Variants in DIPK2B observed in about 807,000 individuals in gnomAD.
The protein encoded by DIPK2B is UPF0672 protein CXorf36.
Under a neutral mutation model 22.2 loss-of-function variants are expected in DIPK2B, and 15 were observed. The observed-to-expected ratio is 0.68, with a 90% CI of 0.45 to 1.04. The LOEUF is 1.04. Among genes scored for constraint, DIPK2B ranks in the 50% least tolerant of loss-of-function variants. DIPK2B has a pLI of 0.00. For missense variants in DIPK2B, 345 were observed against 348.3 expected (o/e 0.99, Z 0.08); for synonymous variants, 163 against 153.2 (o/e 1.06, Z -0.47).
intron 2 of DIPK2B, among the ~76,000 whole-genome samples, chrX:45,184,715 A>G (rs1274745218): frequency 8.9e-6 from 1 of 111,843 alleles, no homozygotes; most frequent in Non-Finnish European, 1.9e-5. Flanking sequence ...TTTTTGTATT[A>G]TTTCTCCACA....
At chrX:45,178,285 A>T (rs1418376422) in intron 2 of DIPK2B, among the ~76,000 whole-genome samples, 1 of 112,292 alleles carries the variant, frequency 8.9e-6, no homozygotes, top group Non-Finnish European at 1.9e-5. Flanking sequence ...TCTCAAAATT[A>T]AGAAAGATGG....
At chrX:45,160,385 T>C (rs2047016830) in intron 2 of DIPK2B, among the ~76,000 whole-genome samples, 1 of 110,647 alleles carries the variant, frequency 9.0e-6, no homozygotes, top group Non-Finnish European at 1.9e-5. Flanking sequence ...TTTTTTTATA[T>C]TTTTAGTAGA....
chrX:45,153,804 C>G, intron 4 of DIPK2B, 106 bp downstream of exon 4: 1 of 636,712 alleles, frequency 1.6e-6, no homozygotes, highest in East Asian at 3.5e-5. Context: ...CTATGACATG[C>G]AGAGATGGGA....
intron 2 of DIPK2B, chrX:45,183,137 T>G (rs1051011759): frequency 8.9e-6 from 1 of 112,365 alleles, no homozygotes; most frequent in African/African-American, 3.2e-5. Context: ...AATAGCTATA[T>G]GTTACAAAGC....
intron 1 of DIPK2B, among the ~76,000 whole-genome samples, chrX:45,193,888 C>T (rs2047224850): frequency 9.0e-6 from 1 of 110,876 alleles, no homozygotes; most frequent in Admixed American, 9.6e-5. Flanking sequence ...TGCTCCTGCT[C>T]ATGGAGTTTC....
Position 45,149,961 on chromosome X carries a change from A to G in DIPK2B, c.*1691T>C, listed in dbSNP as rs1293107393. The G allele has an allele frequency of 2.7e-5, 3 of 112,382 alleles. No homozygotes were observed. Among genetic ancestry groups the G allele is most frequent in the African/African-American group, 9.7e-5 (3 of 30,859 alleles). The allele number at this position is 112,382 out of a possible 1,213,427, so 9.3% of individuals were successfully genotyped here. A position where few individuals can be genotyped will look rare whatever the true frequency, so the allele number is the denominator to read the frequency against. ...CAGTGGCGTGATCTTGGCTGACTGC[A>G]AACTCTGCCTCCTGGGTTCAAGTGA... On this transcript the variant is annotated 3_prime_UTR_variant, in exon 5 of 5. Coordinates refer to ENST00000398000, the MANE Select transcript of DIPK2B (RefSeq NM_176819.4).
intron 2 of DIPK2B, among the ~76,000 whole-genome samples, chrX:45,166,935 C>T (rs1413552005): frequency 4.5e-5 from 5 of 112,109 alleles, no homozygotes; most frequent in Admixed American, 1.9e-4. Flanking sequence ...AAGAAGAGAA[C>T]GTGCTAATGC....
rs145428601 is a variant in DIPK2B, at chrX:45,181,653, G to A, written c.498+10098C>T. On this transcript the variant is annotated intron_variant, in intron 2 of 4. Coordinates refer to ENST00000398000, the MANE Select transcript of DIPK2B (RefSeq NM_176819.4). ...GCTTGGTCAATTGGATATTCATATG[G>A]GGAAAAAACCCTTAACACCTACTGT... Among the ~76,000 whole-genome samples, 478 of 111,372 alleles carry A rather than the reference G, an allele frequency of 4.3e-3. 4 individuals are homozygous for A. The highest frequency in any genetic ancestry group is 0.015 in the African/African-American group (453 of 30,658).
chrX:45,200,191 A>T (rs1196200824), intron 1 of DIPK2B, among the ~76,000 whole-genome samples: 1 of 111,687 alleles, frequency 9.0e-6, no homozygotes, highest in Non-Finnish European at 1.9e-5. Context: ...TTATCTGGCT[A>T]TGTCTCAGCT....
chrX:45,157,705 C>T lies in DIPK2B; in HGVS notation c.672+10G>A, dbSNP rs2047001747. 3.4e-6 allele frequency: 4 copies of T among 1,175,500 alleles called. No individual in the cohort carries two copies. Among genetic ancestry groups the T allele is most frequent in the Admixed American group, 2.4e-5 (1 of 42,346 alleles). On this transcript the variant is annotated intron_variant, in intron 3 of 4. Coordinates refer to ENST00000398000, the MANE Select transcript of DIPK2B (RefSeq NM_176819.4). ...CCCCAACCTAGAGGGCTTGCCAGGTCGCTGCATACCTGTAGGAGGATGGGG... is the reference window on the plus strand; with the variant it reads ...CCCCAACCTAGAGGGCTTGCCAGGTTGCTGCATACCTGTAGGAGGATGGGG...
Position 45,150,458 on chromosome X carries a change from T to C in DIPK2B, c.*1194A>G, listed in dbSNP as rs1240704695. ...AGTGACCTGTAAGGCCAAGTTTGAATGAAAATTCCTAGACTCCTTAGAGTC... is the reference window on the plus strand; with the variant it reads ...AGTGACCTGTAAGGCCAAGTTTGAACGAAAATTCCTAGACTCCTTAGAGTC... On this transcript the variant is annotated 3_prime_UTR_variant, in exon 5 of 5. Transcript: ENST00000398000. 8.9e-6 allele frequency: 1 copy of C among 112,081 alleles called. No homozygotes were observed. The highest frequency in any genetic ancestry group is 1.9e-5 in the Non-Finnish European group (1 of 53,220). 9.2% of individuals were successfully genotyped at this position (112,081 alleles called of 1,213,427 possible). A position where few individuals can be genotyped will look rare whatever the true frequency, so the allele number is the denominator to read the frequency against.
intron 2 of DIPK2B, chrX:45,163,691 C>CT: frequency 5.3e-6 from 4 of 754,085 alleles, no homozygotes; most frequent in Non-Finnish European, 6.3e-6. Context: ...AAGAGGTATG[C>CT]TTTTTTTTCC....
In DIPK2B at chrX:45,153,987, C is replaced by T. The variant is rs746684634; in HGVS notation, c.884G>A (p.Gly295Asp). 2.5e-6 allele frequency: 3 copies of T among 1,210,901 alleles called. No homozygotes were observed. The highest frequency in any genetic ancestry group is 3.5e-5 in the South Asian group (2 of 56,993). ...CCCGTTGTTAAAGACGCCGAACATG[C>T]CTGCATCAATGTGGGTGAAGTAGAA... ...YFFYFTHIDA[G>D]MFGVFNNGHL... Residue 295 changes from glycine (G) to aspartate (D), a missense_variant, in exon 4 of 5, where the codon GGC becomes GAC. By Grantham distance (94) the Gly-to-Asp change is moderately conservative. Transcript: ENST00000398000.
At chrX:45,178,681 G>A (rs969873044) in intron 2 of DIPK2B, among the ~76,000 whole-genome samples, 1 of 111,558 alleles carries the variant, frequency 9.0e-6, no homozygotes, top group African/African-American at 3.3e-5. Flanking sequence ...TCCTGTAAAA[G>A]GGAAATTCAC....
chrX:45,182,461 G>A (rs1317256926), intron 2 of DIPK2B, among the ~76,000 whole-genome samples: 1 of 112,557 alleles, frequency 8.9e-6, no homozygotes, highest in Non-Finnish European at 1.9e-5. Flanking sequence ...GAGGAAATCA[G>A]CACAACTACT....
rs1172742600 is a variant in DIPK2B at position 45,150,054 on chromosome X, G to A, written c.*1598C>T. 2 of 111,436 alleles carry A rather than the reference G, an allele frequency of 1.8e-5. No homozygotes were observed. Among genetic ancestry groups the A allele is most frequent in the Non-Finnish European group, 3.8e-5 (2 of 53,092 alleles). The allele number at this position is 111,436 out of a possible 1,213,427, so 9.2% of individuals were successfully genotyped here. On this transcript the variant is annotated 3_prime_UTR_variant, in exon 5 of 5. Coordinates refer to ENST00000398000, the MANE Select transcript of DIPK2B (RefSeq NM_176819.4). ...CCGCCACCACACCTGGCTAATTTTT[G>A]TATTTTTAGTAAGGATGGGGTTTCA...
intron 2 of DIPK2B, chrX:45,164,396 G>C: frequency 1.7e-6 from 1 of 599,782 alleles, no homozygotes; most frequent in Non-Finnish European, 2.4e-6. Flanking sequence ...TTCCAGTTGG[G>C]AATAAGGACC....
At chrX:45,174,223 A>T (rs1343009115) in intron 2 of DIPK2B, among the ~76,000 whole-genome samples, 2 of 111,983 alleles carry the variant, frequency 1.8e-5, no homozygotes, top group Non-Finnish European at 3.8e-5. Context: ...ATACTGCTGT[A>T]ACCATGCGTG....
intron 2 of DIPK2B, among the ~76,000 whole-genome samples, chrX:45,182,859 G>T (rs1325282964): frequency 1.8e-5 from 2 of 112,477 alleles, no homozygotes; most frequent in South Asian, 7.3e-4. Flanking sequence ...AAGGGTCAGG[G>T]TAACCAACTG....
Sources: gnomAD v4.1 joint callset for allele counts (sites outside exome capture counted in the v4.1 genomes callset) on GRCh38, gnomAD v4.1.1 for gene constraint, MANE v1.5 for transcripts, NCBI Gene and HGNC (gene_info 2026-07-23, HGNC 2026-07-21) for gene names.